SMCO1: variants seen among roughly 807,000 people sequenced by gnomAD.
SMCO1 encodes the protein single-pass membrane and coiled-coil domain-containing protein 1.
SMCO1 carries 9 observed loss-of-function variants against 7.5 expected under a neutral mutation model. The observed-to-expected ratio is 1.20, with a 90% CI of 0.72 to 2.09. SMCO1 has a LOEUF of 2.09. SMCO1 is among the 30% of genes most tolerant of loss of function. The pLI, the probability that SMCO1 is intolerant of heterozygous loss-of-function variation, is 0.00. For synonymous variants in SMCO1, 90 were observed against 93.8 expected (o/e 0.96, Z 0.23); for missense variants, 219 against 253.1 (o/e 0.87, Z 0.91).
At chr3:196,515,967 C>G (rs1733371401), upstream of SMCO1, among the ~76,000 whole-genome samples, 1 of 92,980 alleles carries the variant, frequency 1.1e-5, no homozygotes, top group Non-Finnish European at 2.0e-5. Context: ...CCACTGCACT[C>G]CAGCCCGGGC....
intron 1 of SMCO1, among the ~76,000 whole-genome samples, chr3:196,510,210 C>G (rs1470319365): frequency 6.6e-6 from 1 of 152,128 alleles, no homozygotes; most frequent in African/African-American, 2.4e-5. Flanking sequence ...TCCAGTGATC[C>G]ACCTGTCTTA....
intron 1 of SMCO1, among the ~76,000 whole-genome samples, chr3:196,512,262 G>T (rs932288284): frequency 6.6e-6 from 1 of 151,880 alleles, no homozygotes; most frequent in Non-Finnish European, 1.5e-5. Flanking sequence ...AAACTTGCCT[G>T]GGCCAAGTAG....
upstream of SMCO1, among the ~76,000 whole-genome samples, chr3:196,517,589 T>C (rs1733416886): frequency 7.5e-6 from 1 of 132,664 alleles, no homozygotes; most frequent in South Asian, 2.6e-4. Flanking sequence ...CACCCCCCCA[T>C]ACCTTTCCCT....
chr3:196,514,992 G>C lies in SMCO1; in HGVS notation c.50+168C>G, dbSNP rs777936107. 1.7e-5 allele frequency: 13 copies of C among 743,708 alleles called. No homozygotes were observed. In the East Asian group the frequency reaches 3.4e-4, roughly 19 times the overall value. The allele number at this position is 743,708 out of a possible 1,614,324, so 46.1% of individuals were successfully genotyped here. A position where few individuals can be genotyped will look rare whatever the true frequency, so the allele number is the denominator to read the frequency against. ...CTTGACCCTGTGATCCGCCCACCTC[G>C]GCCTCCCAGTGTGCTGGGATTACAG... is the stretch of plus-strand genomic sequence containing the variant. On this transcript the variant is annotated intron_variant, in intron 1 of 2. Coordinates refer to ENST00000397537, the MANE Select transcript of SMCO1 (RefSeq NM_001077657.3).
chr3:196,513,328 CAAA>C (rs1164510654), intron 1 of SMCO1, among the ~76,000 whole-genome samples: 2 of 125,822 alleles, frequency 1.6e-5, no homozygotes. Flanking sequence ...GACCCTGTGT[CAAA>C]AAAAAAAAAA....
At chr3:196,508,381 G>A in intron 2 of SMCO1, 50 bp from the exon 3 acceptor site, 1 of 1,470,924 alleles carries the variant, frequency 6.8e-7, no homozygotes. Context: ...ATTTTATATA[G>A]AAACAGAAAA....
At chr3:196,509,752 A>T in intron 1 of SMCO1, 83 bp from the exon 2 acceptor site, 1 of 1,141,350 alleles carries the variant, frequency 8.8e-7, no homozygotes, top group Non-Finnish European at 1.2e-6. Context: ...CTAATACATT[A>T]TTTACAACCA....
In SMCO1 at chr3:196,507,756, A is replaced by G. The variant is rs1457289330; in HGVS notation, c.*131T>C. The G allele has an allele frequency of 1.8e-5, 11 of 622,476 alleles. No individual in the cohort carries two copies. In the East Asian group the frequency reaches 2.8e-4, roughly 16 times the overall value. 38.6% of individuals were successfully genotyped at this position (622,476 alleles called of 1,614,324 possible). ...TGCAAAGAAAGTATCTATTGTATCA[A>G]TTTGTCATAATTTATTTAACATCCT... On this transcript the variant is annotated 3_prime_UTR_variant, in exon 3 of 3. Coordinates refer to ENST00000397537, the MANE Select transcript of SMCO1 (RefSeq NM_001077657.3).
intron 1 of SMCO1, among the ~76,000 whole-genome samples, chr3:196,513,650 C>T (rs988928065): frequency 2.2e-5 from 3 of 136,396 alleles, no homozygotes; most frequent in Non-Finnish European, 4.8e-5. Context: ...AAAAAAAAAG[C>T]CATTTGGCAT....
chr3:196,508,864 G>T (rs1477825429), intron 2 of SMCO1, among the ~76,000 whole-genome samples: 17 of 142,938 alleles, frequency 1.2e-4, no homozygotes, highest in Non-Finnish European at 2.6e-4. Context: ...GTGAACCCAG[G>T]AAGTGGAGCT....
intron 1 of SMCO1, among the ~76,000 whole-genome samples, chr3:196,513,464 A>G (rs1733303595): frequency 6.6e-6 from 1 of 152,102 alleles, no homozygotes; most frequent in African/African-American, 2.4e-5. Context: ...CCCCTTCTTT[A>G]CTAAAAATAC....
chr3:196,517,382 C>T (rs747364387), upstream of SMCO1, among the ~76,000 whole-genome samples: 6 of 152,064 alleles, frequency 3.9e-5, no homozygotes, highest in Non-Finnish European at 5.9e-5. Context: ...TTGGAACTTT[C>T]AGCCCCCACC....
At chr3:196,509,761 C>T (rs1338970595) in intron 1 of SMCO1, 92 bp from the exon 2 acceptor site, 6 of 1,090,116 alleles carry the variant, frequency 5.5e-6, no homozygotes, top group Non-Finnish European at 7.5e-6. Flanking sequence ...TATTTACAAC[C>T]ATTACCAAAT....
Position 196,509,538 on chromosome 3 carries a change from G to A in SMCO1, c.182C>T (p.Thr61Ile), listed in dbSNP as rs777613858. ...TACTCACTGGAGTGCCCGAACTGCT[G>A]TCCACATCTCATCTTGGGCTGCTTG... The part of the protein sequence containing the change: ...ASQAAQDEMW[T>I]AVRALQLTSM... Residue 61 changes from threonine to isoleucine, a missense_variant, in exon 2 of 3, where the codon ACA becomes ATA. Physicochemically the swap from Thr to Ile is moderately conservative, Grantham distance 89. Transcript: ENST00000397537. 49 of 1,613,806 alleles carry A rather than the reference G, an allele frequency of 3.0e-5. No homozygotes were observed. Among genetic ancestry groups the A allele is most frequent in the Non-Finnish European group, 4.2e-5 (49 of 1,179,886 alleles).
At chr3:196,509,174 CGAGTA>C (rs1467138475) in intron 2 of SMCO1, among the ~76,000 whole-genome samples, 1 of 149,008 alleles carries the variant, frequency 6.7e-6, no homozygotes, top group African/African-American at 2.5e-5. Context: ...CTCAGCCTCC[CGAGTA>C]GTTGGGACTA....
rs9820969 is a variant in SMCO1 at position 196,509,673 on chromosome 3, T to G, written c.51-4A>C. ...CGCTTGGAGTTTGTGGTCTACTCTG[T>G]AGGATAACAGAATCAAGGGTTAGTT... On this transcript the variant is annotated splice_region_variant and splice_polypyrimidine_tract_variant and intron_variant, in intron 1 of 2. Transcript: ENST00000397537. 6.2e-7 allele frequency: 1 copy of G among 1,611,772 alleles called. No homozygotes were observed. Among genetic ancestry groups the G allele is most frequent in the East Asian group, 2.2e-5 (1 of 44,830 alleles).
chr3:196,517,104 C>CGAAA (rs774749663), upstream of SMCO1, among the ~76,000 whole-genome samples: 11 of 35,736 alleles, frequency 3.1e-4, no homozygotes, highest in African/African-American at 1.8e-3. Flanking sequence ...GACTCCATCG[C>CGAAA]AAAAAAAAAA....
At chr3:196,520,862 T>C in the SMCO1 span, among the ~76,000 whole-genome samples, 3 of 152,222 alleles carry the variant, frequency 2.0e-5, no homozygotes, top group African/African-American at 7.2e-5. Flanking sequence ...ATAGTTATAA[T>C]ACAAATTAGA....
At chr3:196,520,494 T>A in the SMCO1 span, among the ~76,000 whole-genome samples, 1 of 151,880 alleles carries the variant, frequency 6.6e-6, no homozygotes, top group East Asian at 1.9e-4. Context: ...AGCTCCACCA[T>A]CTTCAATATC....
Sources: gnomAD v4.1 joint callset for allele counts (sites outside exome capture counted in the v4.1 genomes callset) on GRCh38, gnomAD v4.1.1 for gene constraint, MANE v1.5 for transcripts, NCBI Gene and HGNC (gene_info 2026-07-23, HGNC 2026-07-21) for gene names.